ZBTB4: variants seen among roughly 807,000 people sequenced by gnomAD.
The protein encoded by ZBTB4 is zinc finger and BTB domain-containing protein 4.
In ZBTB4, 14 loss-of-function variants were observed where a neutral mutation model predicts 59.8. The ratio of observed to expected loss-of-function variants is 0.23; its 90% CI spans 0.15 to 0.37. The LOEUF is 0.37. Among genes scored for constraint, ZBTB4 ranks in the 10% least tolerant of loss-of-function variants. ZBTB4 has a pLI of 1.00. For synonymous variants in ZBTB4, 587 were observed against 575.2 expected (o/e 1.02, Z -0.29); for missense variants, 1,198 against 1,380.8 (o/e 0.87, Z 2.10).
chr17:7,461,107 T>C lies in ZBTB4; in HGVS notation c.*833A>G, dbSNP rs1487715438. 1 of 152,554 alleles carries C rather than the reference T, an allele frequency of 6.6e-6. No individual in the cohort carries two copies. The highest frequency in any genetic ancestry group is 1.5e-5 in the Non-Finnish European group (1 of 68,024). The allele number at this position is 152,554 out of a possible 1,614,324, so 9.5% of individuals were successfully genotyped here. ...ATCTGGTCTAGCCCAGAATAGGCCA[T>C]ATGTAGAGGCAGAAAGAGGTGTGAT... On this transcript the variant is annotated 3_prime_UTR_variant, in exon 4 of 4. Coordinates refer to ENST00000380599, the MANE Select transcript of ZBTB4 (RefSeq NM_001128833.2).
At chr17:7,477,264 T>C (rs1418575321) in intron 1 of ZBTB4, among the ~76,000 whole-genome samples, 1 of 152,326 alleles carries the variant, frequency 6.6e-6, no homozygotes, top group African/African-American at 2.4e-5. Context: ...GTTTCCCATG[T>C]GCTTTTGGAA....
intron 1 of ZBTB4, among the ~76,000 whole-genome samples, chr17:7,478,436 G>A (rs1198101702): frequency 1.3e-5 from 2 of 151,934 alleles, no homozygotes; most frequent in South Asian, 2.1e-4. Flanking sequence ...TCACAGACAC[G>A]CAAACCCATC....
rs902643723 is a variant in ZBTB4 at position 7,463,598 on chromosome 17, C to G, written c.1384G>C (p.Ala462Pro). 1 of 1,600,388 alleles carries G rather than the reference C, an allele frequency of 6.2e-7. No individual in the cohort carries two copies. The highest frequency in any genetic ancestry group is 1.7e-5 in the Admixed American group (1 of 58,216). ...GAGGGTGGAGGGCCAGGCTCTGGGG[C>G]AGGTGGAGGCCCAGGCGGCGGGCTG... Reference protein sequence around the residue: ...PASPPPGPPPAPEPGPPPSVI... With the variant: ...PASPPPGPPPPPEPGPPPSVI... Residue 462 changes from alanine to proline, a missense_variant, in exon 4 of 4, where the codon GCC becomes CCC. Physicochemically the swap from Ala to Pro is conservative, Grantham distance 27. Coordinates refer to ENST00000380599, the MANE Select transcript of ZBTB4 (RefSeq NM_001128833.2).
rs1026029230 is a variant in ZBTB4 at position 7,468,229 on chromosome 17, C to T, written c.-80-902G>A. 3.9e-5 allele frequency among the ~76,000 whole-genome samples: 6 copies of T among 152,136 alleles called. No individual in the cohort carries two copies. In the East Asian group the frequency reaches 5.8e-4, roughly 15 times the overall value. ...TCTACTAAAAATACAAAAAATTAGC[C>T]GGGCGTGGTGGCACGTGCCTGTAAT... On this transcript the variant is annotated intron_variant, in intron 1 of 3. Coordinates refer to ENST00000380599, the MANE Select transcript of ZBTB4 (RefSeq NM_001128833.2).
At chr17:7,473,465 G>A (rs2070228247) in intron 1 of ZBTB4, among the ~76,000 whole-genome samples, 2 of 151,810 alleles carry the variant, frequency 1.3e-5, no homozygotes, top group African/African-American at 4.8e-5. Context: ...TCACCATGTC[G>A]GCCTGGCTGG....
At chr17:7,468,217 CA>C (rs2070153650) in intron 1 of ZBTB4, among the ~76,000 whole-genome samples, 1 of 152,114 alleles carries the variant, frequency 6.6e-6, no homozygotes, top group African/African-American at 2.4e-5. Context: ...ACTAAAAATA[CA>C]AAAAATTAGC....
chr17:7,468,106 C>T (rs1259553137), intron 1 of ZBTB4, among the ~76,000 whole-genome samples: 1 of 152,246 alleles, frequency 6.6e-6, no homozygotes, highest in Non-Finnish European at 1.5e-5. Flanking sequence ...CGCGGGGGCT[C>T]ACGCCCGTAA....
chr17:7,469,534 G>A (rs958845074), intron 1 of ZBTB4, among the ~76,000 whole-genome samples: 2 of 150,802 alleles, frequency 1.3e-5, no homozygotes, highest in African/African-American at 2.4e-5. Context: ...AGGCCAAGGC[G>A]GGCGGATCAT....
At chr17:7,463,929 C>G in intron 3 of ZBTB4, 39 bp from the exon 4 acceptor site, 1 of 1,578,940 alleles carries the variant, frequency 6.3e-7, no homozygotes. Flanking sequence ...GGAACACAGG[C>G]ACTTGAGTCA....
At position 7,478,530 on chromosome 17, in the gene ZBTB4, C is replaced by T. The variant is rs569188468; in HGVS notation, c.-81+926G>A. On this transcript the variant is annotated intron_variant, in intron 1 of 3. Coordinates refer to ENST00000380599, the MANE Select transcript of ZBTB4 (RefSeq NM_001128833.2). ...CGTGACGCCTTCTGACTCAAAGGCC[C>T]ACAACCGCCCCCTCCAAAAGGGCAC... Among the ~76,000 whole-genome samples the T allele has an allele frequency of 1.8e-4, 27 of 152,236 alleles. No homozygotes were observed. The South Asian group carries it at 2.3e-3, about 13-fold the overall frequency.
intron 1 of ZBTB4, among the ~76,000 whole-genome samples, chr17:7,473,205 C>T (rs1236326002): frequency 9.9e-5 from 15 of 151,210 alleles, no homozygotes; most frequent in African/African-American, 2.7e-4. Flanking sequence ...CTCCGCCTCC[C>T]GGGTTCACGC....
chr17:7,483,140 G>A (rs992349529), upstream of ZBTB4: 60 of 1,453,862 alleles, frequency 4.1e-5, no homozygotes, highest in Middle Eastern at 5.0e-4. Context: ...GGTGACTTGG[G>A]GACTTGGTGG....
chr17:7,467,380 G>A, intron 1 of ZBTB4, 53 bp from the exon 2 acceptor site: 1 of 497,884 alleles, frequency 2.0e-6, no homozygotes, highest in South Asian at 8.7e-5. Flanking sequence ...AGCAGAAGAG[G>A]GTCCTCAAGG....
rs968783396 is a variant in ZBTB4, at chr17:7,465,884, G to A, written c.918C>T (p.His306=). Reference sequence around the variant, plus strand: ...CGCAGGCCGCGCACACATACAGCACGTGGCCGCCCACCACCTTCACCACGT... The same window carrying A: ...CGCAGGCCGCGCACACATACAGCACATGGCCGCCCACCACCTTCACCACGT... ...PEHVVKVVGG[H]VLYVCAACER... Residue 306 remains histidine (H), a synonymous_variant, in exon 3 of 4, where the codon CAC becomes CAT. Coordinates refer to ENST00000380599, the MANE Select transcript of ZBTB4 (RefSeq NM_001128833.2). 2.4e-5 allele frequency: 39 copies of A among 1,613,636 alleles called. No individual in the cohort carries two copies. The highest frequency in any genetic ancestry group is 1.6e-4 in the Middle Eastern group (1 of 6,080).
At chr17:7,473,882 C>G (rs1188404190) in intron 1 of ZBTB4, among the ~76,000 whole-genome samples, 1 of 151,728 alleles carries the variant, frequency 6.6e-6, no homozygotes, top group African/African-American at 2.4e-5. Flanking sequence ...AATGTAAGCT[C>G]CAAGGGGTAA....
chr17:7,483,219 G>A (rs2070370577), upstream of ZBTB4: 8 of 892,956 alleles, frequency 9.0e-6, no homozygotes, highest in Non-Finnish European at 1.3e-5. Context: ...CTGGGTCCTG[G>A]AATCAGGGCA....
upstream of ZBTB4, among the ~76,000 whole-genome samples, chr17:7,480,385 T>G (rs58563287): frequency 0.011 from 1,748 of 152,148 alleles, 31 homozygotes; most frequent in African/African-American, 0.039. Flanking sequence ...AATTAAAAAC[T>G]AAGGAGATGG....
In ZBTB4 at chr17:7,466,102, G is replaced by A; in HGVS notation, c.700C>T (p.Leu234Phe). The stretch of plus-strand genomic sequence containing the variant: ...CTTTTTCCACACTGGGGGCAGGGGA[G>A]GGGCCGCCGGGGCAGGGAGCACTGC... ...DLQCSLPRRP[L>F]PCPQCGKSFI... The change falls in exon 3 of 4, where the codon CTC (leucine) becomes TTC (phenylalanine). Residue 234 changes from leucine (L) to phenylalanine (F), a missense_variant. Transcript: ENST00000380599. This position sits in a 1 kb window ranked among gnomAD's most constrained non-coding sequence, Gnocchi z 9.1. 1 of 1,606,070 alleles carries A rather than the reference G, an allele frequency of 6.2e-7. No homozygotes were observed. Among genetic ancestry groups the A allele is most frequent in the Non-Finnish European group, 8.5e-7 (1 of 1,175,342 alleles).
chr17:7,477,842 G>A (rs1212883824), intron 1 of ZBTB4, among the ~76,000 whole-genome samples: 1 of 152,124 alleles, frequency 6.6e-6, no homozygotes, highest in African/African-American at 2.4e-5. Context: ...CTCTGTCTAA[G>A]CTTACTTCCC....
Sources: gnomAD v4.1 joint callset for allele counts (sites outside exome capture counted in the v4.1 genomes callset) on GRCh38, gnomAD v4.1.1 for gene constraint, Gnocchi (gnomAD v3.1) non-coding constraint, MANE v1.5 for transcripts, NCBI Gene and HGNC (gene_info 2026-07-23, HGNC 2026-07-21) for gene names.